Variants in STX2 observed in about 807,000 individuals in gnomAD.
STX2 encodes syntaxin-2.
Under a neutral mutation model 40.6 loss-of-function variants are expected in STX2, and 27 were observed. The observed-to-expected ratio is 0.66, with a 90% CI of 0.49 to 0.92. The LOEUF is 0.92. STX2 is among the 40% of genes least tolerant of loss of function. The pLI is 0.00. For synonymous variants in STX2, 123 were observed against 119.1 expected, an observed-to-expected ratio of 1.03 and a Z score of -0.22; for missense variants, 328 against 366.1, an observed-to-expected ratio of 0.90 and a Z score of 0.85.
At position 130,795,984 on chromosome 12, in the gene STX2, G is replaced by A. The variant is rs1951016640; in HGVS notation, c.*45+11C>T. The stretch of plus-strand genomic sequence containing the variant: ...AAAGTTAATAAGTAAATTAGTTGAT[G>A]AGTTACTTACTCCCACCCTGGCAGA... On this transcript the variant is annotated intron_variant, in intron 10 of 10. Transcript: ENST00000392373. The A allele has an allele frequency of 1.9e-6, 3 of 1,592,588 alleles. No homozygotes were observed. The highest frequency in any genetic ancestry group is 1.8e-5 in the Admixed American group (1 of 54,674).
chr12:130,836,072 G>A (rs1229956224), intron 1 of STX2, among the ~76,000 whole-genome samples: 1 of 144,076 alleles, frequency 6.9e-6, no homozygotes, highest in Non-Finnish European at 1.5e-5. Context: ...AAAAACACCA[G>A]CCATTTACAA....
At chr12:130,812,725 C>G (rs536930459) in intron 4 of STX2, 101 of 399,954 alleles carry the variant, frequency 2.5e-4, no homozygotes, top group South Asian at 2.1e-3. Context: ...TCCCAAACAT[C>G]TGCAACTTAG....
intron 8 of STX2, among the ~76,000 whole-genome samples, chr12:130,800,357 G>A (rs2136242673): frequency 6.6e-6 from 1 of 150,664 alleles, no homozygotes. Context: ...CTGGAGTGTA[G>A]TGGCATGATC....
chr12:130,829,924 C>G (rs1393014778), intron 1 of STX2, among the ~76,000 whole-genome samples: 2 of 152,238 alleles, frequency 1.3e-5, no homozygotes, highest in East Asian at 3.9e-4. Context: ...TCACCCCACC[C>G]TGGAGGTGCC....
At chr12:130,832,364 C>T (rs928210322) in intron 1 of STX2, among the ~76,000 whole-genome samples, 3 of 152,126 alleles carry the variant, frequency 2.0e-5, no homozygotes, top group East Asian at 1.9e-4. Context: ...AACAATATAA[C>T]GAACCACAGT....
At chr12:130,812,932 A>G (rs1407017201) in intron 4 of STX2, 25 bp downstream of exon 4, 2 of 1,476,418 alleles carry the variant, frequency 1.4e-6, no homozygotes, top group Non-Finnish European at 9.2e-7. Flanking sequence ...AACATCAATA[A>G]TTAAACATAA....
intron 9 of STX2, chr12:130,798,262 A>T (rs1951095878): frequency 1.3e-5 from 3 of 239,120 alleles, no homozygotes; most frequent in South Asian, 9.4e-5. Context: ...AAAAAAAAAA[A>T]AAAAAAGTGC....
At chr12:130,807,157 A>C (rs1951467991) in intron 5 of STX2, 67 bp from the exon 6 acceptor site, 1 of 1,503,086 alleles carries the variant, frequency 6.7e-7, no homozygotes, top group Admixed American at 1.8e-5. Context: ...GACATGCAAG[A>C]CATGCATTTT....
chr12:130,838,995 A>T, intron 1 of STX2, 75 bp downstream of exon 1: 10 of 1,039,554 alleles, frequency 9.6e-6, no homozygotes, highest in East Asian at 3.6e-5. Flanking sequence ...CCCGCCCAAG[A>T]CGCCCCGAGC....
chr12:130,797,781 C>T (rs941454437), intron 9 of STX2, among the ~76,000 whole-genome samples: 11 of 152,236 alleles, frequency 7.2e-5, no homozygotes, highest in African/African-American at 2.4e-4. Flanking sequence ...CTTTTTAATG[C>T]AAAGTCTGTG....
intron 2 of STX2, among the ~76,000 whole-genome samples, chr12:130,826,089 A>T (rs997728286): frequency 6.6e-6 from 1 of 152,206 alleles, no homozygotes; most frequent in Non-Finnish European, 1.5e-5. Flanking sequence ...AATATCAGCC[A>T]CTGGGTCACC....
intron 1 of STX2, among the ~76,000 whole-genome samples, chr12:130,832,151 T>A (rs1327652310): frequency 6.6e-6 from 1 of 151,568 alleles, no homozygotes; most frequent in Non-Finnish European, 1.5e-5. Context: ...CCGGCCTGCC[T>A]CTGCAATTTA....
At chr12:130,834,647 A>G (rs932798613) in intron 1 of STX2, among the ~76,000 whole-genome samples, 3 of 152,338 alleles carry the variant, frequency 2.0e-5, no homozygotes, top group South Asian at 2.1e-4. Flanking sequence ...TCTTCAAACT[A>G]AAGGACATGT....
At chr12:130,797,520 G>A (rs945971612) in intron 9 of STX2, among the ~76,000 whole-genome samples, 8 of 152,174 alleles carry the variant, frequency 5.3e-5, no homozygotes, top group South Asian at 4.2e-4. Context: ...GTGCCCTGGC[G>A]GCTGAGCCTG....
Position 130,812,947 on chromosome 12 carries a change from T to A in STX2, c.280+10A>T. On this transcript the variant is annotated intron_variant, in intron 4 of 10. Coordinates refer to ENST00000392373, the MANE Select transcript of STX2 (RefSeq NM_194356.4). ...AACATCAATAATTAAACATAAAACT[T>A]CAAACTTACCCTTTAACTTGGCTCG... The A allele has an allele frequency of 6.5e-7, 1 of 1,545,096 alleles. No homozygotes were observed. The highest frequency in any genetic ancestry group is 1.3e-5 in the South Asian group (1 of 79,556).
Position 130,812,971 on chromosome 12 carries a change from C to G in STX2, c.266G>C (p.Arg89Pro), listed in dbSNP as rs748642860. The G allele has an allele frequency of 6.5e-7, 1 of 1,549,882 alleles. No individual in the cohort carries two copies. Among genetic ancestry groups the G allele is most frequent in the South Asian group, 1.3e-5 (1 of 77,930 alleles). Residue 89 changes from arginine to proline, a missense_variant, in exon 4 of 11, where the codon CGA becomes CCA. Physicochemically the swap from Arg to Pro is moderately radical, Grantham distance 103. Transcript: ENST00000392373. ...KEIKKTANKI[R>P]AKLKAIEQSF... ...TTCAAACTTACCCTTTAACTTGGCT[C>G]GAATTTTATTCGCAGTTTTCTTGAT...
At chr12:130,803,880 T>C (rs1480432423) in intron 6 of STX2, among the ~76,000 whole-genome samples, 1 of 152,184 alleles carries the variant, frequency 6.6e-6, no homozygotes, top group Non-Finnish European at 1.5e-5. Flanking sequence ...CAAAATTCAA[T>C]GAGCGGCAAA....
chr12:130,815,853 C>G (rs1395830347), intron 3 of STX2, among the ~76,000 whole-genome samples: 1 of 152,092 alleles, frequency 6.6e-6, no homozygotes, highest in Non-Finnish European at 1.5e-5. Flanking sequence ...TTTTATGTCT[C>G]CTTCATATTA....
At chr12:130,838,258 G>A (rs1379448123) in intron 1 of STX2, among the ~76,000 whole-genome samples, 1 of 152,214 alleles carries the variant, frequency 6.6e-6, no homozygotes, top group Admixed American at 6.5e-5. Flanking sequence ...AGCTTGGAAA[G>A]TGCACGACCA....
Sources: allele counts gnomAD v4.1 joint callset (sites outside exome capture counted in the v4.1 genomes callset), GRCh38; gene constraint gnomAD v4.1.1; transcripts MANE v1.5; gene names NCBI Gene and HGNC (gene_info 2026-07-23, HGNC 2026-07-21).